Variants in ZBTB20 observed in about 807,000 individuals in gnomAD.
ZBTB20 encodes the protein zinc finger and BTB domain-containing protein 20.
A neutral mutation model predicts 56.9 loss-of-function variants in ZBTB20; 9 were observed. The observed-to-expected ratio is 0.16, with a 90% CI of 0.10 to 0.28. The LOEUF is 0.28. ZBTB20 is among the 10% of genes least tolerant of loss of function. The pLI, the probability that ZBTB20 is intolerant of heterozygous loss-of-function variation, is 1.00. For synonymous variants in ZBTB20, 417 were observed against 420.7 expected, an observed-to-expected ratio of 0.99 and a Z score of 0.11; for missense variants, 655 against 1,003.0, an observed-to-expected ratio of 0.65 and a Z score of 4.69.
At chr3:114,436,054 A>G (rs2090490697) in intron 7 of ZBTB20, among the ~76,000 whole-genome samples, 1 of 152,204 alleles carries the variant, frequency 6.6e-6, no homozygotes, top group Non-Finnish European at 1.5e-5. Flanking sequence ...GCCTCTGAGA[A>G]CAGGCTGCTG....
intron 6 of ZBTB20, among the ~76,000 whole-genome samples, chr3:114,512,505 C>T (rs1048188501): frequency 6.6e-6 from 1 of 152,054 alleles, no homozygotes; most frequent in African/African-American, 2.4e-5. Flanking sequence ...ATAAATATAA[C>T]CACCTGCCAT....
chr3:114,840,079 A>C (rs983408275), intron 4 of ZBTB20, among the ~76,000 whole-genome samples: 1 of 152,188 alleles, frequency 6.6e-6, no homozygotes, highest in Non-Finnish European at 1.5e-5. Flanking sequence ...GTAAAAAAAA[A>C]CATTTTGAGT....
intron 6 of ZBTB20, among the ~76,000 whole-genome samples, chr3:114,592,171 G>A (rs1319344871): frequency 6.6e-6 from 1 of 152,084 alleles, no homozygotes; most frequent in African/African-American, 2.4e-5. Context: ...ATCATTTCCT[G>A]AGAATTCTGA....
At chr3:114,511,704 C>A (rs549363993) in intron 6 of ZBTB20, among the ~76,000 whole-genome samples, 1 of 152,166 alleles carries the variant, frequency 6.6e-6, no homozygotes, top group Admixed American at 6.6e-5. Flanking sequence ...CACTTTAGAA[C>A]TGGAGACCTT....
At chr3:114,447,666 G>C (rs1001299402) in intron 7 of ZBTB20, among the ~76,000 whole-genome samples, 3 of 152,148 alleles carry the variant, frequency 2.0e-5, no homozygotes, top group Non-Finnish European at 2.9e-5. Context: ...CCTTAAAAGA[G>C]AGAGCCCCAC....
At chr3:114,793,312 ATT>A (rs1560257546) in intron 5 of ZBTB20, among the ~76,000 whole-genome samples, 1 of 152,100 alleles carries the variant, frequency 6.6e-6, no homozygotes, top group Non-Finnish European at 1.5e-5. Context: ...ATTATTAAAC[ATT>A]GGAATTATTC....
At chr3:115,078,613 G>GTGTGTGTGTGTA (rs769630983) in intron 1 of ZBTB20, among the ~76,000 whole-genome samples, 2 of 137,828 alleles carry the variant, frequency 1.5e-5, no homozygotes, top group African/African-American at 5.7e-5. Context: ...GTGTGTGTGT[G>GTGTGTGTGTGTA]TATATATATA....
intron 4 of ZBTB20, among the ~76,000 whole-genome samples, chr3:114,898,065 A>C (rs2074959974): frequency 6.6e-6 from 1 of 152,174 alleles, no homozygotes; most frequent in African/African-American, 2.4e-5. Context: ...CAGTAAACAC[A>C]GGGTCCATTA....
intron 6 of ZBTB20, among the ~76,000 whole-genome samples, chr3:114,504,175 G>C (rs1004420156): frequency 6.6e-6 from 1 of 152,118 alleles, no homozygotes; most frequent in African/African-American, 2.4e-5. Flanking sequence ...AGCCACACAG[G>C]CTTCTTTGAA....
intron 3 of ZBTB20, among the ~76,000 whole-genome samples, chr3:114,922,171 G>A (rs369052003): frequency 1.3e-5 from 2 of 152,016 alleles, no homozygotes; most frequent in East Asian, 3.9e-4. Context: ...GGTACAGAAG[G>A]AACGTACCTC....
At chr3:114,393,104 G>T (rs781145719) in intron 7 of ZBTB20, among the ~76,000 whole-genome samples, 34 of 152,288 alleles carry the variant, frequency 2.2e-4, no homozygotes, top group African/African-American at 7.7e-4. Context: ...GCCATGCTAC[G>T]CATTGAGACA....
intron 5 of ZBTB20, chr3:114,710,175 AATGTAT>A (rs2063971915): frequency 6.6e-6 from 1 of 152,136 alleles, no homozygotes; most frequent in African/African-American, 2.4e-5. Context: ...ACCTCTTTGC[AATGTAT>A]ATCAGGGAAT....
At chr3:114,658,596 T>C (rs2060540913) in intron 6 of ZBTB20, 1 of 152,180 alleles carries the variant, frequency 6.6e-6, no homozygotes, top group Non-Finnish European at 1.5e-5. Flanking sequence ...TTAACAACTT[T>C]CTTCCTCTAT....
chr3:115,060,190 T>C (rs920743552), intron 2 of ZBTB20, among the ~76,000 whole-genome samples: 9 of 152,200 alleles, frequency 5.9e-5, no homozygotes, highest in Admixed American at 1.3e-4. Context: ...TATGGTAAAC[T>C]GTCTAAGTTC....
intron 6 of ZBTB20, among the ~76,000 whole-genome samples, chr3:114,593,585 C>T (rs192671800): frequency 1.3e-5 from 2 of 152,044 alleles, no homozygotes; most frequent in East Asian, 3.9e-4. Context: ...GGTTTGTCCA[C>T]GTTGGTCAGG....
intron 7 of ZBTB20, among the ~76,000 whole-genome samples, chr3:114,471,891 TCACCTAACTGAATGTAA>T (rs764039697): frequency 1.7e-4 from 26 of 152,220 alleles, no homozygotes; most frequent in Non-Finnish European, 3.4e-4. Flanking sequence ...GGTTACCAGA[TCACCTAACTGAATGTAA>T]CTAAAGTCAA....
intron 2 of ZBTB20, among the ~76,000 whole-genome samples, chr3:115,033,877 A>C (rs999421918): frequency 6.6e-6 from 1 of 151,778 alleles, no homozygotes; most frequent in African/African-American, 2.4e-5. Flanking sequence ...AACCAAATTC[A>C]GTAGCATATT....
intron 4 of ZBTB20, among the ~76,000 whole-genome samples, chr3:114,838,459 T>C (rs1348245529): frequency 1.3e-5 from 2 of 152,112 alleles, no homozygotes; most frequent in Admixed American, 1.3e-4. Flanking sequence ...CGAATGGACA[T>C]AATGATGCAT....
At chr3:114,502,401 G>A (rs1003529993) in intron 6 of ZBTB20, among the ~76,000 whole-genome samples, 12 of 152,186 alleles carry the variant, frequency 7.9e-5, no homozygotes, top group Admixed American at 7.2e-4. Flanking sequence ...TGTGGTCAAT[G>A]TGAAACCTTG....
Sources: gnomAD v4.1 joint callset for allele counts (sites outside exome capture counted in the v4.1 genomes callset) on GRCh38, gnomAD v4.1.1 for gene constraint, MANE v1.5 for transcripts, NCBI Gene and HGNC (gene_info 2026-07-23, HGNC 2026-07-21) for gene names.